The following SLC4A4 variants were observed in gnomAD, a reference collection of about 807,000 sequenced individuals.
The protein encoded by SLC4A4 is electrogenic sodium bicarbonate cotransporter 1.
In SLC4A4, 27 loss-of-function variants were observed where a neutral mutation model predicts 111.5. That is an observed-to-expected ratio of 0.24 (90% CI 0.18 to 0.33). The LOEUF (loss-of-function observed/expected upper bound fraction) is 0.33, where lower values mean the gene tolerates loss of function less well. Ranked by LOEUF, SLC4A4 falls within the 10% of genes least tolerant of loss-of-function variation. The pLI, the probability that SLC4A4 is intolerant of heterozygous loss-of-function variation, is 1.00. For missense variants in SLC4A4, 909 were observed against 1,315.5 expected (o/e 0.69, Z 4.78); for synonymous variants, 443 against 463.4 (o/e 0.96, Z 0.57).
chr4:71,270,468 T>C (rs1722629213), intron 3 of SLC4A4, among the ~76,000 whole-genome samples: 2 of 152,322 alleles, frequency 1.3e-5, no homozygotes, highest in Non-Finnish European at 2.9e-5. Flanking sequence ...CTCTTCTCTA[T>C]GGCAAGTGGC....
intron 16 of SLC4A4, among the ~76,000 whole-genome samples, chr4:71,529,528 G>A (rs1472206964): frequency 6.6e-6 from 1 of 152,010 alleles, no homozygotes; most frequent in African/African-American, 2.4e-5. Flanking sequence ...TGTAGGTTTT[G>A]CAGGGCGTCC....
Position 71,563,780 on chromosome 4 carries a change from A to T in SLC4A4, c.3100-13A>T. The T allele has an allele frequency of 6.4e-7, 1 of 1,551,700 alleles. No homozygotes were observed. On this transcript the variant is annotated splice_polypyrimidine_tract_variant and intron_variant, in intron 23 of 25. Coordinates refer to ENST00000264485, the MANE Select transcript of SLC4A4 (RefSeq NM_001098484.3). ...AAAAACATTCTAAAACCTCTTGTAC[A>T]TTTTTTTCACAGTCTGACTGCCCAT...
At chr4:71,267,884 C>G (rs936536198) in intron 3 of SLC4A4, among the ~76,000 whole-genome samples, 2 of 149,084 alleles carry the variant, frequency 1.3e-5, no homozygotes, top group Non-Finnish European at 3.0e-5. Flanking sequence ...AAAAGCACAT[C>G]TATATATAAG....
At chr4:71,331,045 C>G (rs1176083386) in intron 3 of SLC4A4, among the ~76,000 whole-genome samples, 1 of 152,090 alleles carries the variant, frequency 6.6e-6, no homozygotes, top group East Asian at 1.9e-4. Flanking sequence ...CATCTCACAC[C>G]AGTTAGAATG....
At chr4:71,395,794 T>A (rs1352332775) in intron 6 of SLC4A4, among the ~76,000 whole-genome samples, 2 of 152,228 alleles carry the variant, frequency 1.3e-5, no homozygotes, top group Admixed American at 1.3e-4. Context: ...ATTTCAGTAC[T>A]GCCACTTACA....
intron 20 of SLC4A4, among the ~76,000 whole-genome samples, chr4:71,552,745 A>G (rs1560614883): frequency 6.6e-6 from 1 of 151,736 alleles, no homozygotes; most frequent in Non-Finnish European, 1.5e-5. Flanking sequence ...TTTCCTTTAC[A>G]TAATTTTATC....
chr4:71,132,800 AC>A (rs1393042706), intron 2 of SLC4A4, among the ~76,000 whole-genome samples: 1 of 152,228 alleles, frequency 6.6e-6, no homozygotes, highest in Non-Finnish European at 1.5e-5. Context: ...GCTAGTGTTA[AC>A]TGACCCTAAG....
intron 15 of SLC4A4, among the ~76,000 whole-genome samples, chr4:71,494,237 C>A (rs1038758594): frequency 2.0e-5 from 3 of 151,972 alleles, no homozygotes; most frequent in Non-Finnish European, 4.4e-5. Flanking sequence ...TTACACGCAT[C>A]GTAAGGAAAA....
intron 3 of SLC4A4, among the ~76,000 whole-genome samples, chr4:71,259,044 A>T (rs1478358340): frequency 6.6e-6 from 1 of 152,152 alleles, no homozygotes; most frequent in Admixed American, 6.5e-5. Context: ...TGGGAGGATC[A>T]TCAGAGCCCA....
At chr4:71,219,568 C>G (rs1178033310) in intron 1 of SLC4A4, among the ~76,000 whole-genome samples, 1 of 152,172 alleles carries the variant, frequency 6.6e-6, no homozygotes, top group East Asian at 1.9e-4. Context: ...GTAATTTCGA[C>G]TTTCAAGTCT....
At chr4:71,083,911 G>C (rs1224763168) in intron 1 of SLC4A4, among the ~76,000 whole-genome samples, 1 of 151,368 alleles carries the variant, frequency 6.6e-6, no homozygotes, top group Admixed American at 6.6e-5. Context: ...GCTCATCTTT[G>C]TTATGGTTAT....
intron 4 of SLC4A4, among the ~76,000 whole-genome samples, chr4:71,348,184 T>C (rs978680001): frequency 7.2e-5 from 11 of 152,160 alleles, no homozygotes; most frequent in Non-Finnish European, 1.2e-4. Context: ...AATCACCTTA[T>C]TACCTTTTAC....
In SLC4A4 at chr4:71,295,984, G is replaced by A. The variant is rs534505957; in HGVS notation, c.253+40585G>A. On this transcript the variant is annotated intron_variant, in intron 3 of 25. Coordinates refer to ENST00000264485, the MANE Select transcript of SLC4A4 (RefSeq NM_001098484.3). The stretch of plus-strand genomic sequence containing the variant: ...CTCAGTCCTCCATTTCTAAGGCATT[G>A]TATCATTCAGTGGTTGTTTAATAAC... 3.7e-4 allele frequency among the ~76,000 whole-genome samples: 57 copies of A among 152,188 alleles called. No individual in the cohort carries two copies. The South Asian group carries it at 0.011, about 30-fold the overall frequency.
chr4:71,320,580 G>A (rs1236877452), intron 3 of SLC4A4, among the ~76,000 whole-genome samples: 37 of 151,992 alleles, frequency 2.4e-4, no homozygotes, highest in Admixed American at 2.4e-3. Context: ...AGGTGAATGC[G>A]TAATCTCTAC....
chr4:71,146,808 G>A (rs1267166236), intron 2 of SLC4A4, among the ~76,000 whole-genome samples: 1 of 152,020 alleles, frequency 6.6e-6, no homozygotes. Context: ...CGACCATCAA[G>A]GCTAGGAAGA....
At chr4:71,544,383 G>T (rs1017637869) in intron 18 of SLC4A4, among the ~76,000 whole-genome samples, 1 of 151,896 alleles carries the variant, frequency 6.6e-6, no homozygotes, top group Non-Finnish European at 1.5e-5. Context: ...CACATATGAG[G>T]CATTGCAGGT....
At chr4:71,422,374 C>A (rs1346651907) in intron 7 of SLC4A4, among the ~76,000 whole-genome samples, 1 of 146,434 alleles carries the variant, frequency 6.8e-6, no homozygotes, top group Admixed American at 6.8e-5. Flanking sequence ...GAGTCCAGGA[C>A]CAGATGGATT....
chr4:71,350,731 C>G (rs914721909), intron 5 of SLC4A4, among the ~76,000 whole-genome samples: 1 of 152,098 alleles, frequency 6.6e-6, no homozygotes, highest in Non-Finnish European at 1.5e-5. Flanking sequence ...CATAGATAAG[C>G]CTTTTGTCTA....
chr4:71,561,341 C>G (rs1233234505), intron 23 of SLC4A4, among the ~76,000 whole-genome samples: 1 of 151,684 alleles, frequency 6.6e-6, no homozygotes, highest in Non-Finnish European at 1.5e-5. Flanking sequence ...GTACGATTGA[C>G]AAATAAAATT....
Sources: allele counts gnomAD v4.1 joint callset (sites outside exome capture counted in the v4.1 genomes callset), GRCh38; gene constraint gnomAD v4.1.1; transcripts MANE v1.5; gene names NCBI Gene and HGNC (gene_info 2026-07-23, HGNC 2026-07-21).